Variants in ECPAS observed in about 807,000 individuals in gnomAD.
ECPAS encodes proteasome adapter and scaffold protein ECM29.
A neutral mutation model predicts 255.1 loss-of-function variants in ECPAS; 70 were observed. That is an observed-to-expected ratio of 0.27 (90% confidence interval 0.23 to 0.33). The LOEUF is 0.33. Ranked by LOEUF, ECPAS falls within the 10% of genes least tolerant of loss-of-function variation. The probability of loss-of-function intolerance (pLI) is 1.00; values close to 1 mark genes in which losing one functional copy is unlikely to be tolerated. For synonymous variants in ECPAS, 784 were observed against 775.0 expected (o/e 1.01, Z -0.19); for missense variants, 1,817 against 2,206.4 (o/e 0.82, Z 3.54).
rs34971252 is a variant in ECPAS at position 111,427,160 on chromosome 9, G to GAA, written c.1050+880_1050+881dup. On this transcript the variant is annotated intron_variant, in intron 10 of 49. Transcript: ENST00000684092. ...AGCAACACAGTGAGACCCTGTCTCAGAAAAAAAAAAAAAGCAATGAAAAAG... is the reference window on the plus strand; with the variant it reads ...AGCAACACAGTGAGACCCTGTCTCAGAAAAAAAAAAAAAAAGCAATGAAAAAG... 7.2e-3 allele frequency among the ~76,000 whole-genome samples: 1,002 copies of GAA among 139,570 alleles called. 12 individuals carry two copies. The highest frequency in any genetic ancestry group is 0.023 in the African/African-American group (869 of 37,336). The allele number at this position is 139,570 out of a possible 152,430, so 91.6% of individuals were successfully genotyped here. A position where few individuals can be genotyped will look rare whatever the true frequency, so the allele number is the denominator to read the frequency against.
Position 111,410,223 on chromosome 9 carries a change from C to T in ECPAS, c.2378-10G>A, listed in dbSNP as rs767669127. 3 of 1,600,488 alleles carry T rather than the reference C, an allele frequency of 1.9e-6. No homozygotes were observed. Among genetic ancestry groups the T allele is most frequent in the Admixed American group, 3.5e-5 (2 of 57,384 alleles). The stretch of plus-strand genomic sequence containing the variant: ...CTGTCCAAAAATGAGCCTGTAAGCA[C>T]ATTTAGCCAAAAAGAGAATTACATA... On this transcript the variant is annotated splice_polypyrimidine_tract_variant and intron_variant, in intron 22 of 49. Coordinates refer to ENST00000684092, the MANE Select transcript of ECPAS (RefSeq NM_001364929.1).
At chr9:111,425,080 G>A (rs2098219537) in intron 12 of ECPAS, among the ~76,000 whole-genome samples, 1 of 151,910 alleles carries the variant, frequency 6.6e-6, no homozygotes, top group Admixed American at 6.6e-5. Flanking sequence ...CCAGCTACTC[G>A]GGAGGCTGAG....
intron 36 of ECPAS, 54 bp from the exon 37 acceptor site, chr9:111,376,595 C>T (rs907597374): frequency 2.0e-5 from 26 of 1,304,248 alleles, no homozygotes; most frequent in African/African-American, 1.8e-4. Context: ...AGGAATAATC[C>T]GCACAAACAC....
intron 35 of ECPAS, among the ~76,000 whole-genome samples, chr9:111,382,622 A>G (rs1171980089): frequency 6.8e-6 from 1 of 147,766 alleles, no homozygotes; most frequent in Admixed American, 6.8e-5. Flanking sequence ...GAGTCCTTCT[A>G]AAAAAAAAAC....
chr9:111,438,215 T>C (rs1279139904), intron 6 of ECPAS, among the ~76,000 whole-genome samples: 1 of 152,262 alleles, frequency 6.6e-6, no homozygotes, highest in Non-Finnish European at 1.5e-5. Context: ...TCACCTGTCA[T>C]TCTGGCTGCC....
intron 3 of ECPAS, among the ~76,000 whole-genome samples, chr9:111,447,055 A>G (rs1480734072): frequency 3.3e-5 from 5 of 152,170 alleles, no homozygotes; most frequent in African/African-American, 1.2e-4. Flanking sequence ...GACTCTATAG[A>G]AAATTATTAT....
chr9:111,461,140 T>C (rs968027565), intron 2 of ECPAS, among the ~76,000 whole-genome samples: 3 of 152,072 alleles, frequency 2.0e-5, no homozygotes, highest in Admixed American at 2.0e-4. Context: ...GAAAAACAGC[T>C]AGAAGACTTT....
Position 111,372,623 on chromosome 9 carries a change from G to A in ECPAS, c.4337-3C>T. 6.3e-7 allele frequency: 1 copy of A among 1,597,356 alleles called. No individual in the cohort carries two copies. On this transcript the variant is annotated splice_region_variant and splice_polypyrimidine_tract_variant and intron_variant, in intron 41 of 49. Transcript: ENST00000684092. Reference sequence around the variant, plus strand: ...ACAAGAGGTCTTGTAGATAGGTTCTGAAAAGGAGAAACCAAAATCTTTACG... The same window carrying A: ...ACAAGAGGTCTTGTAGATAGGTTCTAAAAAGGAGAAACCAAAATCTTTACG...
chr9:111,461,149 T>C (rs117495892), intron 2 of ECPAS, among the ~76,000 whole-genome samples: 1,962 of 151,988 alleles, frequency 0.013, 26 homozygotes, highest in Non-Finnish European at 0.021. Context: ...CTAGAAGACT[T>C]TGGTCAAATT....
intron 13 of ECPAS, among the ~76,000 whole-genome samples, chr9:111,422,499 G>A (rs570264809): frequency 3.8e-4 from 58 of 152,266 alleles, no homozygotes; most frequent in African/African-American, 1.3e-3. Flanking sequence ...AATGACTGTC[G>A]TGGAAAGGGG....
intron 2 of ECPAS, among the ~76,000 whole-genome samples, chr9:111,470,746 CCACACACACACACACACACACA>C (rs57091815): frequency 8.0e-6 from 1 of 124,494 alleles, no homozygotes; most frequent in East Asian, 2.3e-4. Flanking sequence ...TCTCCTCCCG[CCACACACACACACACACACACA>C]CACACACACA....
Position 111,437,027 on chromosome 9 carries a change from T to G in ECPAS, c.621A>C (p.Gly207=). The G allele has an allele frequency of 6.2e-7, 1 of 1,613,254 alleles. No individual in the cohort carries two copies. Among genetic ancestry groups the G allele is most frequent in the South Asian group, 1.1e-5 (1 of 90,918 alleles). Residue 207 remains glycine, a synonymous_variant, in exon 7 of 50, where the codon GGA becomes GGC. Coordinates refer to ENST00000684092, the MANE Select transcript of ECPAS (RefSeq NM_001364929.1). ...GSSSNSGGGS[G]IPQPPPGMSF... ...TCATTCCCGGAGGAGGCTGTGGGAT[T>G]CCAGAACCTCCGCCACTGTTTGAAG...
At chr9:111,393,593 G>T in intron 27 of ECPAS, 87 bp downstream of exon 27, 2 of 874,472 alleles carry the variant, frequency 2.3e-6, no homozygotes, top group Non-Finnish European at 3.7e-6. Context: ...GCTCAAGAAA[G>T]TTTTCTTTCA....
intron 48 of ECPAS, among the ~76,000 whole-genome samples, chr9:111,364,193 G>C (rs1015010627): frequency 6.6e-6 from 1 of 152,114 alleles, no homozygotes; most frequent in Non-Finnish European, 1.5e-5. Context: ...ACGGCGTCTG[G>C]TTCATGGTGA....
In ECPAS at chr9:111,411,012, T is replaced by G. The variant is rs751147284; in HGVS notation, c.2345A>C (p.Glu782Ala). 2.3e-5 allele frequency: 37 copies of G among 1,613,814 alleles called. No homozygotes were observed. The highest frequency in any genetic ancestry group is 2.9e-5 in the Non-Finnish European group (34 of 1,179,844). The change falls in exon 22 of 50, where the codon GAG becomes GCG. Residue 782 changes from glutamate (E) to alanine (A), a missense_variant. Glu to Ala is a moderately radical substitution (Grantham distance 107). Coordinates refer to ENST00000684092, the MANE Select transcript of ECPAS (RefSeq NM_001364929.1). ...TTCTGTAGCACTCTGAATGAGTTCCTCTTGATCAGGGAGGGTGTCAGCATT... is the reference window on the plus strand; with the variant it reads ...TTCTGTAGCACTCTGAATGAGTTCCGCTTGATCAGGGAGGGTGTCAGCATT... ...ERNADTLPDQ[E>A]ELIQSATETI...
chr9:111,479,641 T>C (rs1589247295), intron 1 of ECPAS, among the ~76,000 whole-genome samples: 1 of 152,008 alleles, frequency 6.6e-6, no homozygotes, highest in South Asian at 2.1e-4. Flanking sequence ...TTTTATGTTA[T>C]GTGTATTTTA....
Position 111,375,112 on chromosome 9 carries a change from C to A in ECPAS, c.4110+1G>T. The A allele has an allele frequency of 6.2e-7, 1 of 1,608,486 alleles. No homozygotes were observed. The highest frequency in any genetic ancestry group is 8.5e-7 in the Non-Finnish European group (1 of 1,175,542). On this transcript the variant is annotated splice_donor_variant, in intron 38 of 49. Coordinates refer to ENST00000684092, the MANE Select transcript of ECPAS (RefSeq NM_001364929.1). LOFTEE classifies it high-confidence loss of function. The stretch of plus-strand genomic sequence containing the variant: ...TTTCCTCTTGTGGAAAGTACACTTA[C>A]CTTAGTTCCAAGACCTACACCACTT...
chr9:111,402,363 C>G (rs1266244430), intron 24 of ECPAS, among the ~76,000 whole-genome samples: 1 of 152,142 alleles, frequency 6.6e-6, no homozygotes, highest in African/African-American at 2.4e-5. Context: ...GTTCTTCAAT[C>G]TGAAAGAAAA....
At chr9:111,433,428 C>G in intron 7 of ECPAS, 56 bp from the exon 8 acceptor site, 1 of 1,579,508 alleles carries the variant, frequency 6.3e-7, no homozygotes, top group Non-Finnish European at 8.7e-7. Flanking sequence ...AGGACACCCA[C>G]TGAAAGTACT....
Sources: gnomAD v4.1 joint callset for allele counts (sites outside exome capture counted in the v4.1 genomes callset) on GRCh38, gnomAD v4.1.1 for gene constraint, MANE v1.5 for transcripts, NCBI Gene and HGNC (gene_info 2026-07-23, HGNC 2026-07-21) for gene names.